KANSL1: variants seen among roughly 807,000 people sequenced by gnomAD.
KANSL1 encodes KAT8 regulatory NSL complex subunit 1.
A neutral mutation model predicts 103.6 loss-of-function variants in KANSL1; 22 were observed. That is an observed-to-expected ratio of 0.21 (90% CI 0.15 to 0.30). The LOEUF is 0.30. Among genes scored for constraint, KANSL1 ranks in the 10% least tolerant of loss-of-function variants. KANSL1 has a pLI of 1.00. For synonymous variants in KANSL1, 600 were observed against 527.6 expected, an observed-to-expected ratio of 1.14 and a Z score of -1.88; for missense variants, 1,337 against 1,399.8, an observed-to-expected ratio of 0.96 and a Z score of 0.72.
At chr17:46,137,020 A>G (rs62063209) in intron 2 of KANSL1, among the ~76,000 whole-genome samples, 17,415 of 150,252 alleles carry the variant, frequency 0.12, no homozygotes, top group Non-Finnish European at 0.17. Flanking sequence ...TCTTGAACAC[A>G]TGTTTCTGCT....
intron 7 of KANSL1, chr17:46,044,767 A>G (rs1412771098): frequency 1.3e-5 from 2 of 152,090 alleles, no homozygotes; most frequent in Admixed American, 6.5e-5. Context: ...CACACACTTA[A>G]TGAGAGGGGC....
chr17:46,065,526 A>G (rs377534616), intron 6 of KANSL1, among the ~76,000 whole-genome samples: 1 of 152,176 alleles, frequency 6.6e-6, no homozygotes, highest in African/African-American at 2.4e-5. Context: ...CCCAATAAGC[A>G]TGTTACATAT....
At chr17:46,161,879 T>C (rs190870343) in intron 2 of KANSL1, among the ~76,000 whole-genome samples, 2 of 152,298 alleles carry the variant, frequency 1.3e-5, no homozygotes, top group Admixed American at 1.3e-4. Context: ...ACCACAACAT[T>C]CACAATTTAA....
At chr17:46,099,731 C>T (rs62061807) in intron 2 of KANSL1, among the ~76,000 whole-genome samples, 21,665 of 151,924 alleles carry the variant, frequency 0.14, 2,118 homozygotes, top group Non-Finnish European at 0.22. Flanking sequence ...TTGATTTTAC[C>T]GTGTGCTTTA....
chr17:46,054,626 A>G (rs546815185), intron 6 of KANSL1, among the ~76,000 whole-genome samples: 1 of 152,234 alleles, frequency 6.6e-6, no homozygotes, highest in South Asian at 2.1e-4. Context: ...TGGTTCCCAC[A>G]AGGTCCTATA....
rs145938212 is a variant in KANSL1, at chr17:46,050,653, C to T, written c.1900G>A (p.Ala634Thr). 34 of 1,614,132 alleles carry T rather than the reference C, an allele frequency of 2.1e-5. No individual in the cohort carries two copies. Among genetic ancestry groups the T allele is most frequent in the African/African-American group, 1.9e-4 (14 of 75,032 alleles). ...RPGCDVNPSC[A>T]LCGSGSINTM... The stretch of plus-strand genomic sequence containing the variant: ...TTGATGCTGCCTGAACCACACAGTG[C>T]GCAGGAGGGATTCACATCACAGCCA... The change falls in exon 7 of 15, where the codon GCA (alanine) becomes ACA (threonine). Residue 634 changes from alanine (A) to threonine (T), a missense_variant. Physicochemically the swap from Ala to Thr is moderately conservative, Grantham distance 58. Coordinates refer to ENST00000432791, the MANE Select transcript of KANSL1 (RefSeq NM_015443.4).
chr17:46,162,815 C>T (rs12449508), intron 2 of KANSL1, among the ~76,000 whole-genome samples: 7,187 of 152,198 alleles, frequency 0.047, 906 homozygotes, highest in East Asian at 0.42. Flanking sequence ...TATGATCTGG[C>T]AACTAGCTAC....
chr17:46,031,654 T>C lies in KANSL1; in HGVS notation c.3140A>G (p.Gln1047Arg), dbSNP rs746671618. 6.2e-7 allele frequency: 1 copy of C among 1,612,594 alleles called. No individual in the cohort carries two copies. Among genetic ancestry groups the C allele is most frequent in the East Asian group, 2.2e-5 (1 of 44,824 alleles). ...ATCCAGCTGGTCCTCACACTCCGCCTGGGGACTGTGCGCCAGGGGGAAGGT... is the reference window on the plus strand; with the variant it reads ...ATCCAGCTGGTCCTCACACTCCGCCCGGGGACTGTGCGCCAGGGGGAAGGT... Reference protein sequence around the residue: ...RRTFPLAHSPQAECEDQLDAQ... With the variant: ...RRTFPLAHSPRAECEDQLDAQ... The change falls in exon 15 of 15, where the codon CAG (glutamine) becomes CGG (arginine). Residue 1047 changes from glutamine (Q) to arginine (R), a missense_variant. Physicochemically the swap from Gln to Arg is conservative, Grantham distance 43. This residue lies in a region of KANSL1 where 780 missense variants were observed against 923.4 expected (regional missense o/e 0.84). Transcript: ENST00000432791.
At chr17:46,125,079 A>AGGAGGGAGGG in intron 2 of KANSL1, among the ~76,000 whole-genome samples, 1 of 17,238 alleles carries the variant, frequency 5.8e-5, no homozygotes, top group African/African-American at 2.0e-4. Flanking sequence ...GGAGGGAGGG[A>AGGAGGGAGGG]GGGAGAGAGG....
At chr17:46,187,627 A>G (rs565809948) in intron 1 of KANSL1, among the ~76,000 whole-genome samples, 1 of 152,384 alleles carries the variant, frequency 6.6e-6, no homozygotes, top group East Asian at 1.9e-4. Context: ...ATTTCCTGGT[A>G]GAGGGCTTTC....
chr17:46,110,013 A>C (rs895915305), intron 2 of KANSL1, among the ~76,000 whole-genome samples: 1 of 152,210 alleles, frequency 6.6e-6, no homozygotes, highest in Non-Finnish European at 1.5e-5. Context: ...GTAGTGCCTT[A>C]ACTGTAGAAC....
At chr17:46,201,708 A>AC (rs2047810777) in intron 1 of KANSL1, among the ~76,000 whole-genome samples, 2 of 107,222 alleles carry the variant, frequency 1.9e-5, no homozygotes, top group Non-Finnish European at 5.0e-5. Context: ...CCTATCTCTG[A>AC]AAAAAAAAAA....
intron 2 of KANSL1, among the ~76,000 whole-genome samples, chr17:46,120,984 A>T (rs1460060870): frequency 6.6e-6 from 1 of 152,154 alleles, no homozygotes; most frequent in Non-Finnish European, 1.5e-5. Context: ...GTAAAGAGCA[A>T]TACCTTCCAT....
intron 6 of KANSL1, among the ~76,000 whole-genome samples, chr17:46,057,485 A>G (rs1379738809): frequency 6.6e-6 from 1 of 152,204 alleles, no homozygotes; most frequent in African/African-American, 2.4e-5. Flanking sequence ...TGATACAAGT[A>G]GAATATCACC....
chr17:46,081,018 T>C (rs2078971050), intron 4 of KANSL1, among the ~76,000 whole-genome samples: 1 of 151,970 alleles, frequency 6.6e-6, no homozygotes, highest in African/African-American at 2.4e-5. Flanking sequence ...GAATGAAGGG[T>C]AGGGAAAGGA....
chr17:46,139,453 AT>A (rs2044311497), intron 2 of KANSL1, among the ~76,000 whole-genome samples: 1 of 152,172 alleles, frequency 6.6e-6, no homozygotes, highest in Non-Finnish European at 1.5e-5. Context: ...TCTCCACCAG[AT>A]TTCCTCCACC....
Position 46,032,277 on chromosome 17 carries a change from G to T in KANSL1, c.2860C>A (p.Arg954=). 1 of 1,528,016 alleles carries T rather than the reference G, an allele frequency of 6.5e-7. No individual in the cohort carries two copies. The highest frequency in any genetic ancestry group is 8.8e-7 in the Non-Finnish European group (1 of 1,137,914). 94.7% of individuals were successfully genotyped at this position (1,528,016 alleles called of 1,614,324 possible). A position where few individuals can be genotyped will look rare whatever the true frequency, so the allele number is the denominator to read the frequency against. Residue 954 remains arginine (R), a synonymous_variant, in exon 14 of 15, where the codon CGG becomes AGG. Coordinates refer to ENST00000432791, the MANE Select transcript of KANSL1 (RefSeq NM_015443.4). ...GSRSYRSSDG[R]TTPQLGSANP... Reference sequence around the variant, plus strand: ...GCACTGCCCAGCTGGGGGGTTGTCCGGCCGTCTGATGACCTGTAGGACCTG... The same window carrying T: ...GCACTGCCCAGCTGGGGGGTTGTCCTGCCGTCTGATGACCTGTAGGACCTG...
Position 46,039,106 on chromosome 17 carries a change from C to T in KANSL1, c.2313G>A (p.Leu771=), listed in dbSNP as rs2146363069. The T allele has an allele frequency of 2.5e-6, 4 of 1,612,494 alleles. No individual in the cohort carries two copies. Among genetic ancestry groups the T allele is most frequent in the Non-Finnish European group, 3.4e-6 (4 of 1,179,772 alleles). ...CATGCACGGGTGGTGGTGGGTTGAG[C>T]AAGCGCTCTGCTTTTGGCGCTGTCA... ...ERVTAPKAER[L]LNPPPPVHDP... The change falls in exon 9 of 15, where the codon TTG becomes TTA. Residue 771 remains leucine (L), a synonymous_variant. Transcript: ENST00000432791.
At chr17:46,218,958 C>A (rs1311502271) in intron 1 of KANSL1, among the ~76,000 whole-genome samples, 1 of 151,820 alleles carries the variant, frequency 6.6e-6, no homozygotes, top group African/African-American at 2.4e-5. Flanking sequence ...CAAAGTCACA[C>A]GGTTAAGAGT....
Sources: gnomAD v4.1 joint callset for allele counts (sites outside exome capture counted in the v4.1 genomes callset) on GRCh38, gnomAD v4.1.1 for gene constraint, gnomAD v4.1.1 regional missense constraint, MANE v1.5 for transcripts, NCBI Gene and HGNC (gene_info 2026-07-23, HGNC 2026-07-21) for gene names.